CDK8: variants seen among roughly 807,000 people sequenced by gnomAD.
CDK8 encodes cyclin dependent kinase 8.
Under a neutral mutation model 71.5 loss-of-function variants are expected in CDK8, and 29 were observed. The observed-to-expected ratio is 0.41, with a 90% CI of 0.30 to 0.55. The LOEUF is 0.55. Ranked by LOEUF, CDK8 falls within the 20% of genes least tolerant of loss-of-function variation. CDK8 has a pLI of 0.37. For synonymous variants in CDK8, 161 were observed against 192.1 expected, an observed-to-expected ratio of 0.84 and a Z score of 1.34; for missense variants, 288 against 572.6, an observed-to-expected ratio of 0.50 and a Z score of 5.07.
intron 1 of CDK8, among the ~76,000 whole-genome samples, chr13:26,291,590 C>G (rs1347316022): frequency 6.6e-6 from 1 of 152,166 alleles, no homozygotes; most frequent in African/African-American, 2.4e-5. Flanking sequence ...CTCCCTACCT[C>G]ATGATTTTTG....
chr13:26,394,516 C>T (rs74042648), intron 7 of CDK8, among the ~76,000 whole-genome samples: 12,672 of 152,080 alleles, frequency 0.083, 1,732 homozygotes, highest in African/African-American at 0.29. Flanking sequence ...ATTTTTGCCC[C>T]CTTGGAGTTT....
chr13:26,254,833 G>T lies in CDK8; in HGVS notation c.128+64G>T. 5 of 1,582,248 alleles carry T rather than the reference G, an allele frequency of 3.2e-6. No individual in the cohort carries two copies. The highest frequency in any genetic ancestry group is 1.7e-6 in the Non-Finnish European group (2 of 1,161,820). On this transcript the variant is annotated intron_variant, in intron 1 of 12. Coordinates refer to ENST00000381527, the MANE Select transcript of CDK8 (RefSeq NM_001260.3). This position sits in a 1 kb window ranked among gnomAD's most constrained non-coding sequence, Gnocchi z 6.7. Reference sequence around the variant, plus strand: ...GCGCTCCCGCAGGCCGAGGCAGGTAGCCCGGAGGGAGAGCGGGCCGCCGGG... The same window carrying T: ...GCGCTCCCGCAGGCCGAGGCAGGTATCCCGGAGGGAGAGCGGGCCGCCGGG...
At position 26,404,106 on chromosome 13, in the gene CDK8, A is replaced by C; in HGVS notation, c.*25A>C. ...AGCTGCATCGGAATCTTGTCCATGC[A>C]CTGTTGCGAATGCTGCAGGGCTGAC... is the stretch of plus-strand genomic sequence containing the variant. On this transcript the variant is annotated 3_prime_UTR_variant, in exon 13 of 13. Coordinates refer to ENST00000381527, the MANE Select transcript of CDK8 (RefSeq NM_001260.3). 6.2e-7 allele frequency: 1 copy of C among 1,612,758 alleles called. No individual in the cohort carries two copies. The highest frequency in any genetic ancestry group is 8.5e-7 in the Non-Finnish European group (1 of 1,179,338).
chr13:26,282,132 G>A (rs915543976), intron 1 of CDK8, among the ~76,000 whole-genome samples: 1 of 152,076 alleles, frequency 6.6e-6, no homozygotes, highest in Non-Finnish European at 1.5e-5. Flanking sequence ...ATAAAAGTTT[G>A]GAAAACATAT....
At chr13:26,375,039 G>A (rs891889312) in intron 4 of CDK8, among the ~76,000 whole-genome samples, 9 of 151,890 alleles carry the variant, frequency 5.9e-5, no homozygotes, top group African/African-American at 2.2e-4. Context: ...ATTCATATCA[G>A]AAAAGTAATT....
At chr13:26,358,004 C>T (rs1465748192) in intron 4 of CDK8, among the ~76,000 whole-genome samples, 1 of 152,130 alleles carries the variant, frequency 6.6e-6, no homozygotes, top group East Asian at 1.9e-4. Context: ...ATTTACACAT[C>T]AAATTATTCA....
At chr13:26,348,901 A>G (rs972541279) in intron 2 of CDK8, among the ~76,000 whole-genome samples, 171 bp from the exon 3 acceptor site, 23 of 152,206 alleles carry the variant, frequency 1.5e-4, no homozygotes, top group Admixed American at 5.2e-4. Context: ...TTCCTCACAG[A>G]TATCTTCTCA....
intron 2 of CDK8, among the ~76,000 whole-genome samples, chr13:26,346,476 A>G (rs1277292105): frequency 6.6e-6 from 1 of 152,216 alleles, no homozygotes; most frequent in Non-Finnish European, 1.5e-5. Flanking sequence ...TACTAGAAAG[A>G]ATTTGAAATA....
chr13:26,296,967 A>G (rs1873588981), intron 1 of CDK8, among the ~76,000 whole-genome samples: 1 of 152,190 alleles, frequency 6.6e-6, no homozygotes, highest in South Asian at 2.1e-4. Flanking sequence ...GTATTAAAGG[A>G]CTAACCAAGG....
chr13:26,291,982 T>TA (rs1162292027), intron 1 of CDK8, among the ~76,000 whole-genome samples: 1 of 152,176 alleles, frequency 6.6e-6, no homozygotes, highest in East Asian at 1.9e-4. Context: ...TTTGCATGTT[T>TA]AAAAAAATGT....
Position 26,254,594 on chromosome 13 carries a change from T to G in CDK8, c.-48T>G. On this transcript the variant is annotated 5_prime_UTR_variant, in exon 1 of 13. Transcript: ENST00000381527. This position sits in a 1 kb window ranked among gnomAD's most constrained non-coding sequence, Gnocchi z 6.7. ...CCCGTGCTTCCCCGGTCCCCACCCC[T>G]GCCCCCCGGCCCCCCGACCCAGCTC... 1,427 of 682,056 alleles carry G rather than the reference T, an allele frequency of 2.1e-3. No homozygotes were observed. Among genetic ancestry groups the G allele is most frequent in the Non-Finnish European group, 3.1e-3 (1,298 of 424,256 alleles). 42.3% of individuals were successfully genotyped at this position (682,056 alleles called of 1,614,324 possible).
At chr13:26,274,980 G>T (rs1269675058) in intron 1 of CDK8, among the ~76,000 whole-genome samples, 1 of 151,960 alleles carries the variant, frequency 6.6e-6, no homozygotes, top group African/African-American at 2.4e-5. Flanking sequence ...AAAATGATTT[G>T]TTAAAACTTG....
intron 1 of CDK8, among the ~76,000 whole-genome samples, chr13:26,302,280 T>A (rs1386265916): frequency 6.6e-6 from 1 of 152,222 alleles, no homozygotes; most frequent in Non-Finnish European, 1.5e-5. Context: ...CTTCCAAAAC[T>A]TATAACATCT....
At chr13:26,326,513 C>A (rs1875024492) in intron 1 of CDK8, among the ~76,000 whole-genome samples, 1 of 152,156 alleles carries the variant, frequency 6.6e-6, no homozygotes, top group South Asian at 2.1e-4. Flanking sequence ...CCATCTAGAT[C>A]TTTGTTCCAT....
chr13:26,326,541 T>A (rs1192534855), intron 1 of CDK8, among the ~76,000 whole-genome samples: 1 of 152,224 alleles, frequency 6.6e-6, no homozygotes, highest in African/African-American at 2.4e-5. Flanking sequence ...GAGTAGAAGC[T>A]GTCTCTTTCG....
chr13:26,342,428 T>C (rs1427032714), intron 2 of CDK8, among the ~76,000 whole-genome samples: 1 of 152,180 alleles, frequency 6.6e-6, no homozygotes, highest in Non-Finnish European at 1.5e-5. Flanking sequence ...CTCTTTGGGC[T>C]CTTACCCTGG....
At chr13:26,344,623 T>C (rs1278345217) in intron 2 of CDK8, among the ~76,000 whole-genome samples, 1 of 151,954 alleles carries the variant, frequency 6.6e-6, no homozygotes, top group African/African-American at 2.4e-5. Flanking sequence ...AAAAATTAGC[T>C]GGGTGTGGTG....
chr13:26,302,134 C>G (rs575271092), intron 1 of CDK8, among the ~76,000 whole-genome samples: 88 of 152,296 alleles, frequency 5.8e-4, no homozygotes, highest in Middle Eastern at 3.4e-3. Context: ...TGATAAACTT[C>G]TGGATTAATC....
rs547932422 is a variant in CDK8 at position 26,272,782 on chromosome 13, A to G, written c.128+18013A>G. Among the ~76,000 whole-genome samples, 61 of 152,316 alleles carry G rather than the reference A, an allele frequency of 4.0e-4. 1 individual carries two copies. Among genetic ancestry groups the G allele is most frequent in the African/African-American group, 1.4e-3 (58 of 41,558 alleles). Reference sequence around the variant, plus strand: ...CACAAACGTGCCTGTAATGCTTTGCACTATGAAGTTACAATGGCTACAGTG... The same window carrying G: ...CACAAACGTGCCTGTAATGCTTTGCGCTATGAAGTTACAATGGCTACAGTG... On this transcript the variant is annotated intron_variant, in intron 1 of 12. Transcript: ENST00000381527.
Sources: allele counts gnomAD v4.1 joint callset (sites outside exome capture counted in the v4.1 genomes callset), GRCh38; gene constraint gnomAD v4.1.1; non-coding constraint Gnocchi (gnomAD v3.1); transcripts MANE v1.5; gene names NCBI Gene and HGNC (gene_info 2026-07-23, HGNC 2026-07-21).